Variants in SPG11 observed in about 807,000 individuals in gnomAD.
SPG11 encodes spatacsin.
Under a neutral mutation model 274.0 loss-of-function variants are expected in SPG11, and 222 were observed. The observed-to-expected ratio is 0.81, with a 90% CI of 0.73 to 0.91. SPG11 has a LOEUF of 0.91. SPG11 is among the 40% of genes least tolerant of loss of function. The probability of loss-of-function intolerance (pLI) is 0.00; values close to 1 mark genes in which losing one functional copy is unlikely to be tolerated. For missense variants in SPG11, 3,114 were observed against 2,872.7 expected, an observed-to-expected ratio of 1.08 and a Z score of -1.92; for synonymous variants, 1,144 against 1,039.7, an observed-to-expected ratio of 1.10 and a Z score of -1.93.
intron 6 of SPG11, among the ~76,000 whole-genome samples, chr15:44,649,388 A>G (rs984297495): frequency 5.9e-5 from 9 of 152,136 alleles, no homozygotes; most frequent in African/African-American, 2.2e-4. Context: ...TGTTTTGCTA[A>G]TTTAAAAAAA....
chr15:44,658,273 G>A (rs2084997171), intron 3 of SPG11, among the ~76,000 whole-genome samples: 1 of 152,012 alleles, frequency 6.6e-6, no homozygotes, highest in Non-Finnish European at 1.5e-5. Context: ...CATATAAGGG[G>A]TAATTTGTCA....
intron 7 of SPG11, among the ~76,000 whole-genome samples, chr15:44,641,262 TA>T (rs1358049441): frequency 2.6e-5 from 4 of 151,696 alleles, no homozygotes; most frequent in African/African-American, 7.3e-5. Context: ...TCCACTGCAT[TA>T]AAAAAAATTC....
In SPG11 at chr15:44,566,249, G is replaced by C; in HGVS notation, c.6811C>G (p.Leu2271Val). ...LKQLLLKALT[L>V]MLDAAESYAK... ...TAACTCTCTGCTGCATCCAACATCAGAGTCAGGGCCTTCAGCAGCAGTTGT... is the reference window on the plus strand; with the variant it reads ...TAACTCTCTGCTGCATCCAACATCACAGTCAGGGCCTTCAGCAGCAGTTGT... The change falls in exon 37 of 40, where the codon CTG becomes GTG. Residue 2271 changes from leucine to valine, a missense_variant. Coordinates refer to ENST00000261866, the MANE Select transcript of SPG11 (RefSeq NM_025137.4). 6.2e-7 allele frequency: 1 copy of C among 1,614,200 alleles called. No homozygotes were observed. The highest frequency in any genetic ancestry group is 1.1e-5 in the South Asian group (1 of 91,078).
At chr15:44,655,130 G>A (rs1367994963) in intron 4 of SPG11, among the ~76,000 whole-genome samples, 1 of 152,154 alleles carries the variant, frequency 6.6e-6, no homozygotes, top group Non-Finnish European at 1.5e-5. Context: ...GTGTAACACA[G>A]TAAAAAGTGA....
At chr15:44,640,592 C>T (rs1007450669) in intron 7 of SPG11, among the ~76,000 whole-genome samples, 12 of 151,878 alleles carry the variant, frequency 7.9e-5, no homozygotes, top group Non-Finnish European at 1.2e-4. Context: ...TTAAAATCCT[C>T]GATAATAAAG....
rs147326424 is a variant in SPG11 at position 44,598,336 on chromosome 15, T to A, written c.3930A>T (p.Thr1310=). Residue 1310 remains threonine (T), a synonymous_variant, in exon 23 of 40, where the codon ACA becomes ACT. Transcript: ENST00000261866. ...AGAGAACAAGCAATTCTTCTGTGGT[T>A]GTCTTTTCACCATCAGCTAGTTTAG... ...KLSKLADGEK[T]TTEELLVLLE... The A allele has an allele frequency of 3.1e-6, 5 of 1,613,814 alleles. No homozygotes were observed. Among genetic ancestry groups the A allele is most frequent in the Non-Finnish European group, 4.2e-6 (5 of 1,179,992 alleles).
At chr15:44,575,412 A>G in intron 30 of SPG11, 1 of 204,128 alleles carries the variant, frequency 4.9e-6, no homozygotes, top group Non-Finnish European at 1.0e-5. Flanking sequence ...CCTTAGTTCC[A>G]GCCTTCATCA....
chr15:44,649,869 G>C (rs1184826489), intron 6 of SPG11, among the ~76,000 whole-genome samples: 2 of 151,338 alleles, frequency 1.3e-5, no homozygotes, highest in Non-Finnish European at 2.9e-5. Context: ...ACTCCAGCCA[G>C]GGAGACAAGA....
In SPG11 at chr15:44,608,432, TA is replaced by T; in HGVS notation, c.3453+11del. 6.2e-7 allele frequency: 1 copy of T among 1,613,894 alleles called. No individual in the cohort carries two copies. The stretch of plus-strand genomic sequence containing the variant: ...CTGATAGACCTAAATATTGGCCACC[TA>T]AATACTGTACCTGAATAAGGTGGTA... On this transcript the variant is annotated intron_variant, in intron 19 of 39. Transcript: ENST00000261866.
intron 15 of SPG11, among the ~76,000 whole-genome samples, chr15:44,617,517 ATG>A (rs1845778817): frequency 6.6e-6 from 1 of 152,158 alleles, no homozygotes; most frequent in African/African-American, 2.4e-5. Context: ...CCTCTGTCAT[ATG>A]TAAAATGATC....
intron 11 of SPG11, among the ~76,000 whole-genome samples, chr15:44,625,417 C>T (rs939376955): frequency 2.6e-5 from 4 of 152,032 alleles, no homozygotes; most frequent in South Asian, 4.2e-4. Flanking sequence ...ATCATGGGGG[C>T]GGATTTCCCC....
chr15:44,652,261 T>C lies in SPG11; in HGVS notation c.875A>G (p.His292Arg). 6.2e-7 allele frequency: 1 copy of C among 1,614,086 alleles called. No homozygotes were observed. The highest frequency in any genetic ancestry group is 8.5e-7 in the Non-Finnish European group (1 of 1,180,008). Residue 292 changes from histidine (H) to arginine (R), a missense_variant, in exon 5 of 40, where the codon CAC (histidine) becomes CGC (arginine). Transcript: ENST00000261866. ...TCTTTCACACAGTAGGTGTCCTGGG[T>C]GTTGCCTACATTTAAAAATAATGAT... ...ALNLNLYFRQ[H>R]PGHLLCERIL...
rs751245734 is a variant in SPG11, at chr15:44,567,493, G to T, written c.6685C>A (p.Arg2229=). 35 of 1,613,950 alleles carry T rather than the reference G, an allele frequency of 2.2e-5. No individual in the cohort carries two copies. The highest frequency in any genetic ancestry group is 3.0e-5 in the Non-Finnish European group (35 of 1,179,998). The change falls in exon 36 of 40, where the codon CGG becomes AGG. Residue 2229 remains arginine (R), a synonymous_variant. Coordinates refer to ENST00000261866, the MANE Select transcript of SPG11 (RefSeq NM_025137.4). ...NMIALCFSMC[R]EIGENHEAAA... ...GCCTCGTGGTTCTCGCCAATCTCCC[G>T]GCACATGCTGAAGCACAGGGCAATC...
At chr15:44,639,651 A>G (rs554491600) in intron 7 of SPG11, among the ~76,000 whole-genome samples, 2 of 152,100 alleles carry the variant, frequency 1.3e-5, no homozygotes, top group Admixed American at 1.3e-4. Context: ...GCAGTGAGCC[A>G]GGACTATGCC....
chr15:44,577,474 G>C (rs1364239139), intron 30 of SPG11, among the ~76,000 whole-genome samples: 1 of 140,724 alleles, frequency 7.1e-6, no homozygotes, highest in African/African-American at 2.6e-5. Context: ...CTGCACTCCA[G>C]CCTGGGCAAC....
At chr15:44,576,680 A>G (rs535923838) in intron 30 of SPG11, among the ~76,000 whole-genome samples, 1 of 152,014 alleles carries the variant, frequency 6.6e-6, no homozygotes, top group African/African-American at 2.4e-5. Context: ...GGGTCTATCT[A>G]TATGTACTGA....
In SPG11 at chr15:44,598,696, T is replaced by C. The variant is rs1567151210; in HGVS notation, c.3827A>G (p.Asn1276Ser). The C allele has an allele frequency of 1.9e-6, 3 of 1,614,244 alleles. No homozygotes were observed. Among genetic ancestry groups the C allele is most frequent in the Non-Finnish European group, 8.5e-7 (1 of 1,180,042 alleles). The change falls in exon 22 of 40, where the codon AAT (asparagine) becomes AGT (serine). Residue 1276 changes from asparagine (N) to serine (S), a missense_variant. Transcript: ENST00000261866. The part of the protein sequence containing the change: ...LKLRVDMKVA[N>S]IILSYKCRNE... ...TCTGCACTTGTAGCTCAAAATTATA[T>C]TGGCCACTTTCATATCAACTCTGAG...
chr15:44,570,783 A>G, intron 33 of SPG11, 125 bp from the exon 34 acceptor site: 6 of 1,223,074 alleles, frequency 4.9e-6, no homozygotes, highest in Non-Finnish European at 7.0e-6. Context: ...CCGTCCCATC[A>G]GCCCTCCGAA....
chr15:44,605,366 T>C (rs1023940462), intron 20 of SPG11, among the ~76,000 whole-genome samples: 2 of 152,204 alleles, frequency 1.3e-5, no homozygotes, highest in Non-Finnish European at 2.9e-5. Flanking sequence ...AATTCATTTT[T>C]ATGTATGTCA....
Sources: gnomAD v4.1 joint callset for allele counts (sites outside exome capture counted in the v4.1 genomes callset) on GRCh38, gnomAD v4.1.1 for gene constraint, MANE v1.5 for transcripts, NCBI Gene and HGNC (gene_info 2026-07-23, HGNC 2026-07-21) for gene names.